The following FMO3 variants were observed in gnomAD, a reference collection of about 807,000 sequenced individuals.
FMO3 encodes the protein flavin-containing monooxygenase 3.
FMO3 carries 40 observed loss-of-function variants against 39.4 expected under a neutral mutation model. That is an observed-to-expected ratio of 1.02 (90% confidence interval 0.79 to 1.32). The LOEUF (loss-of-function observed/expected upper bound fraction) is 1.32, where lower values mean the gene tolerates loss of function less well. Among genes scored for constraint, FMO3 ranks in the 40% most tolerant of loss-of-function variants. The pLI, the probability that FMO3 is intolerant of heterozygous loss-of-function variation, is 0.00. For missense variants in FMO3, 680 were observed against 651.8 expected, an observed-to-expected ratio of 1.04 and a Z score of -0.47; for synonymous variants, 219 against 228.8, an observed-to-expected ratio of 0.96 and a Z score of 0.39.
Position 171,108,233 on chromosome 1 carries a change from C to A in FMO3, c.627+12C>A. ...GCACAGCAGAACAGGTACTACTCCC[C>A]GGGTACTCGGGTGACTCTCGTTACT... On this transcript the variant is annotated intron_variant, in intron 5 of 8. Transcript: ENST00000367755. 1 of 1,613,474 alleles carries A rather than the reference C, an allele frequency of 6.2e-7. No individual in the cohort carries two copies. The highest frequency in any genetic ancestry group is 1.1e-5 in the South Asian group (1 of 91,048).
At chr1:171,116,320 A>G (rs780309166) in intron 8 of FMO3, 40 bp downstream of exon 8, 2 of 1,055,326 alleles carry the variant, frequency 1.9e-6, no homozygotes, top group African/African-American at 1.6e-5. Flanking sequence ...GGATTTCCAT[A>G]GAAAAGTGAG....
Position 171,103,861 on chromosome 1 carries a change from C to T in FMO3, c.209C>T (p.Pro70Leu), listed in dbSNP as rs888088733. Residue 70 changes from proline (P) to leucine (L), a missense_variant, in exon 3 of 9, where the codon CCA becomes CTA. Transcript: ENST00000367755. ...SNSSKEMMCF[P>L]DFPFPDDFPN... ...TCTTCCAAAGAGATGATGTGTTTCC[C>T]AGACTTCCCATTTCCCGATGACTTC... 1 of 1,613,660 alleles carries T rather than the reference C, an allele frequency of 6.2e-7. No homozygotes were observed. Among genetic ancestry groups the T allele is most frequent in the East Asian group, 2.2e-5 (1 of 44,876 alleles).
intron 2 of FMO3, among the ~76,000 whole-genome samples, chr1:171,096,785 A>T (rs1435890061): frequency 7.2e-6 from 1 of 138,144 alleles, no homozygotes; most frequent in Non-Finnish European, 1.5e-5. Flanking sequence ...AATTATATTA[A>T]AAATATATAT....
intron 2 of FMO3, among the ~76,000 whole-genome samples, chr1:171,099,179 T>C (rs1211737678): frequency 1.3e-5 from 2 of 152,174 alleles, no homozygotes; most frequent in Non-Finnish European, 2.9e-5. Flanking sequence ...CAGGAGAAGG[T>C]TGTTCAGTTT....
chr1:171,099,708 A>C (rs1655272954), intron 2 of FMO3: 1 of 149,790 alleles, frequency 6.7e-6, no homozygotes, highest in African/African-American at 2.5e-5. Context: ...CTCCTTTGTA[A>C]ATTGCTGGTT....
rs894339302 is a variant in FMO3 at position 171,103,881 on chromosome 1, G to C, written c.229G>C (p.Asp77His). 17 of 1,613,846 alleles carry C rather than the reference G, an allele frequency of 1.1e-5. No individual in the cohort carries two copies. The highest frequency in any genetic ancestry group is 1.4e-5 in the Non-Finnish European group (17 of 1,179,844). The change falls in exon 3 of 9, where the codon GAC becomes CAC. Residue 77 changes from aspartate to histidine, a missense_variant. Physicochemically the swap from Asp to His is moderately conservative, Grantham distance 81. Coordinates refer to ENST00000367755, the MANE Select transcript of FMO3 (RefSeq NM_001002294.3). Reference sequence around the variant, plus strand: ...TTTCCCAGACTTCCCATTTCCCGATGACTTCCCCAACTTTATGCACAACAG... The same window carrying C: ...TTTCCCAGACTTCCCATTTCCCGATCACTTCCCCAACTTTATGCACAACAG... ...MCFPDFPFPDDFPNFMHNSKI... is the reference protein window; with the variant it reads ...MCFPDFPFPDHFPNFMHNSKI...
At position 171,103,878 on chromosome 1, in the gene FMO3, G is replaced by T; in HGVS notation, c.226G>T (p.Asp76Tyr). The T allele has an allele frequency of 6.2e-7, 1 of 1,613,704 alleles. No individual in the cohort carries two copies. The highest frequency in any genetic ancestry group is 8.5e-7 in the Non-Finnish European group (1 of 1,179,758). ...GTGTTTCCCAGACTTCCCATTTCCC[G>T]ATGACTTCCCCAACTTTATGCACAA... is the stretch of plus-strand genomic sequence containing the variant. The part of the protein sequence containing the change: ...MMCFPDFPFP[D>Y]DFPNFMHNSK... Residue 76 changes from aspartate to tyrosine, a missense_variant, in exon 3 of 9, where the codon GAT (aspartate) becomes TAT (tyrosine). Transcript: ENST00000367755.
chr1:171,099,687 T>C (rs1190114739), intron 2 of FMO3: 3 of 151,504 alleles, frequency 2.0e-5, no homozygotes, highest in Non-Finnish European at 4.4e-5. Context: ...TTCTCTCTAG[T>C]CTATTCTTAA....
chr1:171,113,963 G>A (rs776494868), intron 6 of FMO3, 44 bp from the exon 7 acceptor site: 13 of 1,345,060 alleles, frequency 9.7e-6, no homozygotes, highest in Non-Finnish European at 1.4e-5. Flanking sequence ...TAAAACAAGA[G>A]GGAAATATTA....
intron 5 of FMO3, among the ~76,000 whole-genome samples, chr1:171,109,463 G>A (rs1655798499): frequency 6.8e-6 from 1 of 147,764 alleles, no homozygotes; most frequent in Non-Finnish European, 1.5e-5. Flanking sequence ...ATTTGCATAT[G>A]TGATAAATTA....
Position 171,110,838 on chromosome 1 carries a change from G to C in FMO3, c.668G>C (p.Arg223Pro). 6.2e-7 allele frequency: 1 copy of C among 1,613,902 alleles called. No homozygotes were observed. Among genetic ancestry groups the C allele is most frequent in the Non-Finnish European group, 8.5e-7 (1 of 1,179,902 alleles). Residue 223 changes from arginine (R) to proline (P), a missense_variant, in exon 6 of 9, where the codon CGG becomes CCG. By Grantham distance (103) the Arg-to-Pro change is moderately radical. Coordinates refer to ENST00000367755, the MANE Select transcript of FMO3 (RefSeq NM_001002294.3). Reference protein sequence around the residue: ...SSRSGSWVMSRVWDNGYPWDM... With the variant: ...SSRSGSWVMSPVWDNGYPWDM... ...AGAAGTGGCTCCTGGGTGATGAGCC[G>C]GGTCTGGGACAATGGTTATCCTTGG...
chr1:171,110,265 G>C (rs1395195598), intron 5 of FMO3, among the ~76,000 whole-genome samples: 5 of 152,112 alleles, frequency 3.3e-5, no homozygotes, highest in South Asian at 2.1e-4. Flanking sequence ...CCTATTTTGA[G>C]ATCATAATTG....
At position 171,114,127 on chromosome 1, in the gene FMO3, G is replaced by T; in HGVS notation, c.948G>T (p.Gly316=). The change falls in exon 7 of 9, where the codon GGG becomes GGT. Residue 316 remains glycine, a synonymous_variant. Coordinates refer to ENST00000367755, the MANE Select transcript of FMO3 (RefSeq NM_001002294.3). ...FTETSAIFED[G]TIFEGIDCVI... is the part of the protein sequence containing the mutation. ...AGACCTCGGCCATTTTTGAGGATGG[G>T]ACCATATTTGAGGGCATTGACTGTG... 6.2e-7 allele frequency: 1 copy of T among 1,613,998 alleles called. No individual in the cohort carries two copies. Among genetic ancestry groups the T allele is most frequent in the Non-Finnish European group, 8.5e-7 (1 of 1,179,932 alleles).
intron 2 of FMO3, among the ~76,000 whole-genome samples, chr1:171,102,433 A>AT (rs375210797): frequency 5.4e-4 from 82 of 151,522 alleles, no homozygotes; most frequent in African/African-American, 1.7e-3. Flanking sequence ...TCCAACCAGT[A>AT]TTTTTTTTTA....
rs1405300773 is a variant in FMO3 at position 171,105,659 on chromosome 1, T to C, written c.321+1686T>C. On this transcript the variant is annotated intron_variant, in intron 3 of 8. Coordinates refer to ENST00000367755, the MANE Select transcript of FMO3 (RefSeq NM_001002294.3). ...AAAAAAAGAGATTAACTGTCTTGATTGAGTTTGGCCTAAGTATGCAAGAGT... is the reference window on the plus strand; with the variant it reads ...AAAAAAAGAGATTAACTGTCTTGATCGAGTTTGGCCTAAGTATGCAAGAGT... Among the ~76,000 whole-genome samples the C allele has an allele frequency of 2.0e-5, 3 of 152,116 alleles. No individual in the cohort carries two copies. The East Asian group carries it at 5.8e-4, about 29-fold the overall frequency.
intron 2 of FMO3, among the ~76,000 whole-genome samples, chr1:171,097,564 TG>T (rs1235971032): frequency 1.5e-5 from 2 of 136,334 alleles, no homozygotes; most frequent in African/African-American, 6.0e-5. Flanking sequence ...TTTTTTCATG[TG>T]TTTTTTGGCT....
At chr1:171,113,213 T>G (rs1447528583) in intron 6 of FMO3, among the ~76,000 whole-genome samples, 1 of 152,174 alleles carries the variant, frequency 6.6e-6, no homozygotes, top group African/African-American at 2.4e-5. Context: ...TGGGTTCAGA[T>G]TTCTCTGCTC....
Position 171,108,221 on chromosome 1 carries a change from G to T in FMO3, c.627G>T (p.Gln209His). 6.2e-7 allele frequency: 1 copy of T among 1,613,752 alleles called. No individual in the cohort carries two copies. Among genetic ancestry groups the T allele is most frequent in the South Asian group, 1.1e-5 (1 of 91,070 alleles). The change falls in exon 5 of 9, where the codon CAG becomes CAT. Residue 209 changes from glutamine to histidine, a missense_variant and splice_region_variant. Coordinates refer to ENST00000367755, the MANE Select transcript of FMO3 (RefSeq NM_001002294.3). ...IATELSRTAE[Q>H]VMISSRSGSW... ...CAGAACTCAGCCGCACAGCAGAACA[G>T]GTACTACTCCCCGGGTACTCGGGTG...
At chr1:171,096,878 G>A (rs1235882274) in intron 2 of FMO3, among the ~76,000 whole-genome samples, 8 of 150,988 alleles carry the variant, frequency 5.3e-5, no homozygotes, top group Non-Finnish European at 1.5e-5. Flanking sequence ...CCATGTTGGT[G>A]TGCGGCACCC....
Sources: allele counts gnomAD v4.1 joint callset (sites outside exome capture counted in the v4.1 genomes callset), GRCh38; gene constraint gnomAD v4.1.1; transcripts MANE v1.5; gene names NCBI Gene and HGNC (gene_info 2026-07-23, HGNC 2026-07-21).